DOP1B: variants seen among roughly 807,000 people sequenced by gnomAD.
DOP1B encodes the protein DOP1 leucine zipper like protein B.
DOP1B carries 174 observed loss-of-function variants against 233.5 expected under a neutral mutation model. The ratio of observed to expected loss-of-function variants is 0.75; its 90% CI spans 0.66 to 0.85. The LOEUF (loss-of-function observed/expected upper bound fraction) is 0.85. DOP1B is among the 40% of genes least tolerant of loss of function. The probability of loss-of-function intolerance (pLI) is 0.00; values close to 1 mark genes in which losing one functional copy is unlikely to be tolerated. For missense variants in DOP1B, 2,652 were observed against 2,846.6 expected, an observed-to-expected ratio of 0.93 and a Z score of 1.56; for synonymous variants, 1,190 against 1,185.6, an observed-to-expected ratio of 1.00 and a Z score of -0.08.
At chr21:36,214,263 C>T (rs952331494) in intron 8 of DOP1B, 73 bp downstream of exon 8, 9 of 1,393,206 alleles carry the variant, frequency 6.5e-6, no homozygotes, top group Admixed American at 5.6e-5. Context: ...TGGGAGGCTT[C>T]CACATAGGCA....
chr21:36,270,625 A>T (rs1280653791), intron 27 of DOP1B, among the ~76,000 whole-genome samples: 1 of 148,014 alleles, frequency 6.8e-6, no homozygotes, highest in Non-Finnish European at 1.5e-5. Flanking sequence ...AGAAAACATC[A>T]CTTTGAGGCC....
rs2067269890 is a variant in DOP1B at position 36,270,063 on chromosome 21, C to G, written c.5538C>G (p.Ser1846=). ...LEAVGNIAGS[S]LEQTSWLSRN... The stretch of plus-strand genomic sequence containing the variant: ...CTGTGGGGAACATTGCCGGCTCTTC[C>G]TTGGAGCAAACCAGCTGGCTAAGCA... Residue 1846 remains serine, a synonymous_variant, in exon 27 of 37, where the codon TCC becomes TCG. Transcript: ENST00000691173. The G allele has an allele frequency of 3.1e-6, 5 of 1,614,108 alleles. No individual in the cohort carries two copies. Among genetic ancestry groups the G allele is most frequent in the Non-Finnish European group, 2.5e-6 (3 of 1,180,010 alleles).
chr21:36,288,182 G>C, intron 33 of DOP1B, 32 bp downstream of exon 33: 2 of 1,580,808 alleles, frequency 1.3e-6, no homozygotes, highest in African/African-American at 1.4e-5. Context: ...TTGAAAGCAA[G>C]GTTGGAGCTT....
At chr21:36,204,914 CAA>C (rs1483529949) in intron 4 of DOP1B, among the ~76,000 whole-genome samples, 3 of 152,158 alleles carry the variant, frequency 2.0e-5, no homozygotes, top group Non-Finnish European at 2.9e-5. Flanking sequence ...CTCAGCCTCC[CAA>C]AGTGCTGGGA....
At chr21:36,223,536 CTCCA>C (rs752723096) in intron 11 of DOP1B, among the ~76,000 whole-genome samples, 186 bp downstream of exon 11, 1 of 152,172 alleles carries the variant, frequency 6.6e-6, no homozygotes, top group Non-Finnish European at 1.5e-5. Flanking sequence ...ATAAAAACAT[CTCCA>C]ATAAGAAGGT....
intron 2 of DOP1B, among the ~76,000 whole-genome samples, chr21:36,173,278 G>C (rs1057073337): frequency 6.6e-6 from 1 of 152,136 alleles, no homozygotes; most frequent in African/African-American, 2.4e-5. Context: ...GACTCATCCA[G>C]TCAACCCTTT....
intron 32 of DOP1B, among the ~76,000 whole-genome samples, chr21:36,287,505 G>C (rs1243226356): frequency 6.6e-6 from 1 of 151,228 alleles, no homozygotes; most frequent in African/African-American, 2.4e-5. Context: ...GGTTTGGCAA[G>C]AGCCATGAAC....
chr21:36,280,333 TA>T lies in DOP1B; in HGVS notation c.6020del (p.Lys2007ArgfsTer3), dbSNP rs759119015. On this transcript the variant is annotated frameshift_variant, in exon 31 of 37. Coordinates refer to ENST00000691173, the MANE Select transcript of DOP1B (RefSeq NM_001320714.2). LOFTEE classifies it high-confidence loss of function. ...HLLTHEKTMF[K>X]DLMNMQSSSL... is the part of the protein sequence containing the mutation. ...TTTTGACTCATGAGAAAACAATGTT[TA>T]AGGATTTAATGAGTAAGTTCTGTGT... The T allele has an allele frequency of 1.5e-5, 24 of 1,608,794 alleles. No individual in the cohort carries two copies. Among genetic ancestry groups the T allele is most frequent in the Non-Finnish European group, 2.0e-5 (24 of 1,176,272 alleles).
chr21:36,287,964 A>C (rs2146257800), intron 32 of DOP1B, 50 bp from the exon 33 acceptor site: 1 of 1,576,708 alleles, frequency 6.3e-7, no homozygotes, highest in East Asian at 2.3e-5. Flanking sequence ...TCTGATAAGA[A>C]ACCCTAAACT....
chr21:36,256,894 G>A (rs909268123), intron 23 of DOP1B, among the ~76,000 whole-genome samples: 2 of 152,132 alleles, frequency 1.3e-5, no homozygotes, highest in African/African-American at 4.8e-5. Context: ...GACACCAGTT[G>A]GGTGTCCTCC....
intron 9 of DOP1B, 124 bp from the exon 10 acceptor site, chr21:36,219,248 A>C: frequency 7.9e-7 from 1 of 1,262,530 alleles, no homozygotes; most frequent in Non-Finnish European, 1.1e-6. Flanking sequence ...TGTATATTTT[A>C]GACTATATAA....
intron 23 of DOP1B, among the ~76,000 whole-genome samples, chr21:36,258,042 G>A (rs1421617423): frequency 2.6e-5 from 4 of 151,692 alleles, no homozygotes; most frequent in Admixed American, 2.6e-4. Flanking sequence ...GTTAGATGTA[G>A]GTAGGTAGAT....
At chr21:36,176,122 G>GTGTGTGTGTGTGTGTGTGTGT (rs55642925) in intron 2 of DOP1B, among the ~76,000 whole-genome samples, 10 of 150,874 alleles carry the variant, frequency 6.6e-5, no homozygotes, top group South Asian at 2.1e-4. Flanking sequence ...GTGTGTGTGT[G>GTGTGTGTGTGTGTGTGTGTGT]GTGATACAGT....
At chr21:36,247,198 C>A (rs2066977397) in intron 19 of DOP1B, among the ~76,000 whole-genome samples, 1 of 152,136 alleles carries the variant, frequency 6.6e-6, no homozygotes, top group African/African-American at 2.4e-5. Context: ...TATTTCAAAT[C>A]CGCACAGGTA....
chr21:36,227,071 G>A (rs967654431), intron 12 of DOP1B, among the ~76,000 whole-genome samples: 1 of 151,522 alleles, frequency 6.6e-6, no homozygotes, highest in Non-Finnish European at 1.5e-5. Flanking sequence ...AGCCGGGTGT[G>A]GTGGCGGGCG....
At chr21:36,273,846 C>T (rs1169846999) in intron 27 of DOP1B, among the ~76,000 whole-genome samples, 1 of 152,108 alleles carries the variant, frequency 6.6e-6, no homozygotes. Context: ...GAGGCCGAGG[C>T]GGGCGGATCA....
chr21:36,163,163 G>A (rs2065882439), intron 1 of DOP1B, among the ~76,000 whole-genome samples: 1 of 151,946 alleles, frequency 6.6e-6, no homozygotes. Flanking sequence ...TGACCAACAC[G>A]TGAAACCCCG....
intron 5 of DOP1B, among the ~76,000 whole-genome samples, chr21:36,210,631 C>T (rs1024189054): frequency 1.3e-5 from 2 of 151,964 alleles, no homozygotes; most frequent in African/African-American, 2.4e-5. Context: ...GGTGTCAAAG[C>T]GAGACTCTGT....
chr21:36,211,001 C>T (rs2066490645), intron 5 of DOP1B, among the ~76,000 whole-genome samples: 1 of 152,206 alleles, frequency 6.6e-6, no homozygotes, highest in Non-Finnish European at 1.5e-5. Flanking sequence ...CTTCTGTCCC[C>T]CTGGCTGTGC....
Sources: allele counts gnomAD v4.1 joint callset (sites outside exome capture counted in the v4.1 genomes callset), GRCh38; gene constraint gnomAD v4.1.1; transcripts MANE v1.5; gene names NCBI Gene and HGNC (gene_info 2026-07-23, HGNC 2026-07-21).